The following SKIC2 variants were observed in gnomAD, a reference collection of about 807,000 sequenced individuals.
SKIC2 encodes the protein SKI2 subunit of superkiller complex.
the SKIC2 span, chr6:31,960,839 G>A: frequency 9.8e-7 from 1 of 1,016,550 alleles, no homozygotes; most frequent in Non-Finnish European, 1.5e-6. Context: ...ATTAGAAAAA[G>A]ATATTCTGTC....
chr6:31,969,173 C>T, the SKIC2 span: 1 of 1,549,918 alleles, frequency 6.5e-7, no homozygotes, highest in Non-Finnish European at 8.8e-7. This position sits in a 1 kb window ranked among gnomAD's most constrained non-coding sequence, Gnocchi z 6.1. Flanking sequence ...GTGACCCCCT[C>T]CAGCCCTGTA....
chr6:31,968,178 A>G, the SKIC2 span: 1 of 1,547,804 alleles, frequency 6.5e-7, no homozygotes, highest in African/African-American at 1.4e-5. The surrounding 1 kb of genome is among the most constrained non-coding windows in gnomAD (Gnocchi z 6.1). Context: ...GAGGGAGACC[A>G]TGAAGTGGTG....
At chr6:31,961,136 C>G in the SKIC2 span, 3 of 1,603,252 alleles carry the variant, frequency 1.9e-6, no homozygotes, top group Non-Finnish European at 2.6e-6. Context: ...GAAGTCATGT[C>G]CTTCTCCTAA....
At chr6:31,969,259 ACCTC>A in the SKIC2 span, 2 of 1,613,476 alleles carry the variant, frequency 1.2e-6, no homozygotes, top group African/African-American at 2.7e-5. This position sits in a 1 kb window ranked among gnomAD's most constrained non-coding sequence, Gnocchi z 6.1. Context: ...GCAGGCCTTA[ACCTC>A]TCCTTCTTTC....
chr6:31,966,959 G>A, the SKIC2 span: 1 of 1,613,222 alleles, frequency 6.2e-7, no homozygotes. This position sits in a 1 kb window ranked among gnomAD's most constrained non-coding sequence, Gnocchi z 5.9. Flanking sequence ...TGACAGATTG[G>A]GCCTGGAGAC....
At chr6:31,963,676 C>G in the SKIC2 span, 1 of 1,556,152 alleles carries the variant, frequency 6.4e-7, no homozygotes, top group South Asian at 1.2e-5. This position sits in a 1 kb window ranked among gnomAD's most constrained non-coding sequence, Gnocchi z 5.3. Flanking sequence ...AGAGAATGAG[C>G]AAACACGCCC....
At chr6:31,967,103 TG>T in the SKIC2 span, 20 of 1,612,364 alleles carry the variant, frequency 1.2e-5, no homozygotes, top group East Asian at 2.2e-5. The surrounding 1 kb of genome is among the most constrained non-coding windows in gnomAD (Gnocchi z 4.9). Context: ...ATATTACAGC[TG>T]GGGGGAGGAA....
the SKIC2 span, among the ~76,000 whole-genome samples, chr6:31,965,281 C>T: frequency 6.6e-6 from 1 of 152,204 alleles, no homozygotes; most frequent in East Asian, 1.9e-4. This position sits in a 1 kb window ranked among gnomAD's most constrained non-coding sequence, Gnocchi z 5.6. Context: ...ACCAGGGTGC[C>T]CTTCACTGGG....
chr6:31,959,252 A>G, the SKIC2 span: 2 of 1,608,614 alleles, frequency 1.2e-6, no homozygotes, highest in South Asian at 2.2e-5. Context: ...GGAGTAGCCG[A>G]TATGGAATGA....
At chr6:31,967,891 G>T in the SKIC2 span, 6 of 1,612,768 alleles carry the variant, frequency 3.7e-6, no homozygotes, top group Non-Finnish European at 5.1e-6. This position sits in a 1 kb window ranked among gnomAD's most constrained non-coding sequence, Gnocchi z 4.9. Flanking sequence ...TCTGTTTTCT[G>T]CCAGCAGTAT....
At chr6:31,967,115 C>T in the SKIC2 span, 1 of 1,611,752 alleles carries the variant, frequency 6.2e-7, no homozygotes, top group South Asian at 1.1e-5. The surrounding 1 kb of genome is among the most constrained non-coding windows in gnomAD (Gnocchi z 4.9). Context: ...GGGGGAGGAA[C>T]TGACAGAGAC....
At chr6:31,963,921 A>C in the SKIC2 span, 1 of 1,610,036 alleles carries the variant, frequency 6.2e-7, no homozygotes, top group Non-Finnish European at 8.5e-7. This position sits in a 1 kb window ranked among gnomAD's most constrained non-coding sequence, Gnocchi z 5.3. Flanking sequence ...AGGACCGCGG[A>C]GTGTACCTGT....
chr6:31,962,140 C>T, the SKIC2 span: 2 of 1,364,000 alleles, frequency 1.5e-6, no homozygotes, highest in Non-Finnish European at 1.0e-6. This position sits in a 1 kb window ranked among gnomAD's most constrained non-coding sequence, Gnocchi z 5.0. Flanking sequence ...CTTCCCCCAC[C>T]TCTCTAGCTC....
chr6:31,962,719 TGCTG>T, the SKIC2 span: 1 of 1,612,790 alleles, frequency 6.2e-7, no homozygotes, highest in East Asian at 2.2e-5. The surrounding 1 kb of genome is among the most constrained non-coding windows in gnomAD (Gnocchi z 5.0). Context: ...CCCAGCTCCA[TGCTG>T]TACAGTGGCT....
the SKIC2 span, among the ~76,000 whole-genome samples, chr6:31,965,233 C>T: frequency 6.6e-6 from 1 of 152,214 alleles, no homozygotes; most frequent in Non-Finnish European, 1.5e-5. This position sits in a 1 kb window ranked among gnomAD's most constrained non-coding sequence, Gnocchi z 5.6. Flanking sequence ...AGAACATGTA[C>T]ACCCATCCTT....
chr6:31,960,918 G>C, the SKIC2 span: 1 of 910,348 alleles, frequency 1.1e-6, no homozygotes, highest in Admixed American at 1.9e-5. Flanking sequence ...TGTTGGGAAA[G>C]TGTCATAGCA....
At chr6:31,966,094 T>C in the SKIC2 span, 2 of 950,016 alleles carry the variant, frequency 2.1e-6, no homozygotes, top group Non-Finnish European at 3.1e-6. The surrounding 1 kb of genome is among the most constrained non-coding windows in gnomAD (Gnocchi z 5.9). Flanking sequence ...CTCTTCTTTT[T>C]CTTCTTCCTT....
the SKIC2 span, chr6:31,967,388 T>C: frequency 6.3e-7 from 1 of 1,597,942 alleles, no homozygotes; most frequent in Non-Finnish European, 8.6e-7. The surrounding 1 kb of genome is among the most constrained non-coding windows in gnomAD (Gnocchi z 4.9). Flanking sequence ...GTGAGGGTGA[T>C]GGGAATTTGG....
chr6:31,959,802 G>A, the SKIC2 span: 1 of 577,714 alleles, frequency 1.7e-6, no homozygotes, highest in African/African-American at 1.9e-5. Flanking sequence ...TTTTAAAAAT[G>A]CACATTCCTA....
Sources: allele counts gnomAD v4.1 joint callset (sites outside exome capture counted in the v4.1 genomes callset), GRCh38; gene constraint gnomAD v4.1.1; non-coding constraint Gnocchi (gnomAD v3.1); transcripts MANE v1.5; gene names NCBI Gene and HGNC (gene_info 2026-07-23, HGNC 2026-07-21).